The following MROH1 variants were observed in gnomAD, a reference collection of about 807,000 sequenced individuals.
The protein encoded by MROH1 is maestro heat like repeat family member 1, also known as maestro heat-like repeat-containing protein family member 1.
A neutral mutation model predicts 116.5 loss-of-function variants in MROH1; 117 were observed. The observed-to-expected ratio is 1.00, with a 90% CI of 0.86 to 1.17. The LOEUF is 1.17. Among genes scored for constraint, MROH1 ranks in the 50% most tolerant of loss-of-function variants. The pLI, the probability that MROH1 is intolerant of heterozygous loss-of-function variation, is 0.00. For missense variants in MROH1, 1,873 were observed against 1,338.5 expected, an observed-to-expected ratio of 1.40 and a Z score of -6.23; for synonymous variants, 921 against 583.9, an observed-to-expected ratio of 1.58 and a Z score of -8.32.
chr8:144,229,475 C>T (rs1838428759), intron 14 of MROH1, among the ~76,000 whole-genome samples: 1 of 150,568 alleles, frequency 6.6e-6, no homozygotes, highest in Admixed American at 6.7e-5. Flanking sequence ...CCTCAGCCTC[C>T]TGGACTCAAT....
intron 14 of MROH1, among the ~76,000 whole-genome samples, chr8:144,235,186 G>A (rs1398680868): frequency 6.6e-6 from 1 of 152,254 alleles, no homozygotes; most frequent in East Asian, 1.9e-4. Flanking sequence ...ATAAGCCACT[G>A]TGCCTGGCCT....
intron 14 of MROH1, among the ~76,000 whole-genome samples, chr8:144,230,584 C>T (rs1838668066): frequency 6.7e-6 from 1 of 149,210 alleles, no homozygotes; most frequent in Non-Finnish European, 1.5e-5. Context: ...CATCATTGTT[C>T]ATCTTGGCTT....
chr8:144,259,019 A>G (rs1393923807), intron 36 of MROH1, 105 bp downstream of exon 36: 4 of 643,376 alleles, frequency 6.2e-6, no homozygotes, highest in Admixed American at 2.2e-5. Flanking sequence ...TGTCAGGCCA[A>G]TGGTGCCCTG....
At chr8:144,169,555 G>A (rs190319663) in intron 4 of MROH1, among the ~76,000 whole-genome samples, 5 of 150,840 alleles carry the variant, frequency 3.3e-5, no homozygotes, top group South Asian at 2.1e-4. Context: ...GGGTTCAAGC[G>A]ATTCTCCTGT....
intron 14 of MROH1, among the ~76,000 whole-genome samples, chr8:144,232,318 A>C (rs1839054833): frequency 1.3e-5 from 2 of 151,936 alleles, no homozygotes; most frequent in South Asian, 4.2e-4. Flanking sequence ...AGCTTGAAGA[A>C]ATTCCTTTCT....
At position 144,259,890 on chromosome 8, in the gene MROH1, TCA is replaced by T. The variant is rs1302388108; in HGVS notation, c.4045-18_4045-17del. 1 of 727,774 alleles carries T rather than the reference TCA, an allele frequency of 1.4e-6. No individual in the cohort carries two copies. The highest frequency in any genetic ancestry group is 1.7e-5 in the African/African-American group (1 of 57,798). 45.1% of individuals were successfully genotyped at this position (727,774 alleles called of 1,614,324 possible). A position where few individuals can be genotyped will look rare whatever the true frequency, so the allele number is the denominator to read the frequency against. On this transcript the variant is annotated intron_variant, in intron 37 of 43. Transcript: ENST00000326134. ...CCTGGGGTCAGCGGGGAGAGGGAAG[TCA>T]CAGCACCTCTGCCTGCAGCTGCTGA... is the stretch of plus-strand genomic sequence containing the variant.
intron 17 of MROH1, 58 bp downstream of exon 17, chr8:144,239,421 C>G: frequency 1.3e-6 from 1 of 780,180 alleles, no homozygotes. Flanking sequence ...CTGTGCTCCA[C>G]CCAGGCTTGG....
At chr8:144,197,462 A>G (rs1830177909) in intron 10 of MROH1, among the ~76,000 whole-genome samples, 1 of 84,092 alleles carries the variant, frequency 1.2e-5, no homozygotes. Context: ...TTGAGACGGA[A>G]TCTTGCTCTG....
intron 29 of MROH1, among the ~76,000 whole-genome samples, chr8:144,246,866 T>C (rs1842004778): frequency 6.6e-6 from 1 of 152,132 alleles, no homozygotes; most frequent in South Asian, 2.1e-4. Context: ...GCAGAAAGGC[T>C]CTGGAAGGCA....
rs1276649142 is a variant in MROH1, at chr8:144,175,285, G to GCCCCTCCC, written c.169-4169_169-4162dup. ...ATAAATGCCCTGCTGCACCCAAGCTGCCCCTCCCAGCAACGGGTCCAGTCG... is the reference window on the plus strand; with the variant it reads ...ATAAATGCCCTGCTGCACCCAAGCTGCCCCTCCCCCCCTCCCAGCAACGGGTCCAGTCG... On this transcript the variant is annotated intron_variant, in intron 4 of 43. Coordinates refer to ENST00000326134, the MANE Select transcript of MROH1 (RefSeq NM_032450.3). 239 of 550,414 alleles carry GCCCCTCCC rather than the reference G, an allele frequency of 4.3e-4. No individual in the cohort carries two copies. In the African/African-American group the frequency reaches 5.0e-3, roughly 11 times the overall value. The allele number at this position is 550,414 out of a possible 1,614,324, so 34.1% of individuals were successfully genotyped here. A position where few individuals can be genotyped will look rare whatever the true frequency, so the allele number is the denominator to read the frequency against.
intron 12 of MROH1, among the ~76,000 whole-genome samples, chr8:144,211,679 T>C (rs898931687): frequency 2.0e-5 from 3 of 151,672 alleles, no homozygotes; most frequent in Admixed American, 2.0e-4. Context: ...TGAGCCAAGA[T>C]TGCGACACTG....
Position 144,180,572 on chromosome 8 carries a change from G to A in MROH1, c.562+49G>A, listed in dbSNP as rs1306049427. The A allele has an allele frequency of 1.3e-6, 2 of 1,560,672 alleles. No individual in the cohort carries two copies. The highest frequency in any genetic ancestry group is 1.7e-6 in the Non-Finnish European group (2 of 1,144,322). ...CTGTCTCAAGTGCCCCTTTGTGGGG[G>A]GCTGTTCCCGGGCATGCCTGTTTTA... On this transcript the variant is annotated intron_variant, in intron 7 of 43. Coordinates refer to ENST00000326134, the MANE Select transcript of MROH1 (RefSeq NM_032450.3). This position sits in a 1 kb window ranked among gnomAD's most constrained non-coding sequence, Gnocchi z 7.4.
intron 1 of MROH1, among the ~76,000 whole-genome samples, chr8:144,156,708 C>CAAAAA (rs1176108997): frequency 7.1e-5 from 4 of 56,126 alleles, no homozygotes; most frequent in Admixed American, 3.6e-4. Context: ...GACTCTGTCT[C>CAAAAA]AAAAAAAAAA....
At chr8:144,176,162 AG>A (rs1236041908) in intron 4 of MROH1, among the ~76,000 whole-genome samples, 1 of 152,156 alleles carries the variant, frequency 6.6e-6, no homozygotes, top group Non-Finnish European at 1.5e-5. Context: ...CAGGAGTTCA[AG>A]ACCAGCCTGC....
At chr8:144,249,257 CTT>C (rs1272300870) in intron 32 of MROH1, among the ~76,000 whole-genome samples, 3 of 152,150 alleles carry the variant, frequency 2.0e-5, no homozygotes, top group African/African-American at 4.8e-5. Context: ...AAATCTTTCT[CTT>C]ATGTCTGAAG....
In MROH1 at chr8:144,241,386, G is replaced by GC; in HGVS notation, c.2056-3dup. 2 of 771,362 alleles carry GC rather than the reference G, an allele frequency of 2.6e-6. No homozygotes were observed. Among genetic ancestry groups the GC allele is most frequent in the Non-Finnish European group, 2.4e-6 (1 of 414,158 alleles). 47.8% of individuals were successfully genotyped at this position (771,362 alleles called of 1,614,324 possible). On this transcript the variant is annotated splice_polypyrimidine_tract_variant and intron_variant, in intron 21 of 43. Coordinates refer to ENST00000326134, the MANE Select transcript of MROH1 (RefSeq NM_032450.3). The stretch of plus-strand genomic sequence containing the variant: ...CTTCCCTGCCCGGGGTAAGTGTGCT[G>GC]CCCCCCAGGGCCTCGCCTGCTGCTT...
chr8:144,201,349 G>A (rs765899312), intron 12 of MROH1, among the ~76,000 whole-genome samples: 9 of 152,072 alleles, frequency 5.9e-5, no homozygotes, highest in East Asian at 3.9e-4. Flanking sequence ...GTGAGCCACC[G>A]CACCCATCCT....
chr8:144,188,279 CTACTT>C (rs1276898371), intron 7 of MROH1, among the ~76,000 whole-genome samples: 3 of 152,038 alleles, frequency 2.0e-5, no homozygotes, highest in African/African-American at 2.4e-5. Flanking sequence ...ATACTTTTCT[CTACTT>C]TATAAGAAGT....
At chr8:144,183,805 G>A (rs964797834) in intron 7 of MROH1, among the ~76,000 whole-genome samples, 1 of 151,896 alleles carries the variant, frequency 6.6e-6, no homozygotes, top group Non-Finnish European at 1.5e-5. Context: ...CCACCACCAC[G>A]CCTGGCTAAT....
Sources: allele counts gnomAD v4.1 joint callset (sites outside exome capture counted in the v4.1 genomes callset), GRCh38; gene constraint gnomAD v4.1.1; non-coding constraint Gnocchi (gnomAD v3.1); transcripts MANE v1.5; gene names NCBI Gene and HGNC (gene_info 2026-07-23, HGNC 2026-07-21).